Variants in YWHAE observed in about 807,000 individuals in gnomAD.
YWHAE encodes tyrosine 3-monooxygenase/tryptophan 5-monooxygenase activation protein epsilon.
A neutral mutation model predicts 30.1 loss-of-function variants in YWHAE; 4 were observed. The ratio of observed to expected loss-of-function variants is 0.13; its 90% CI spans 0.07 to 0.30. The LOEUF is 0.30. YWHAE is among the 10% of genes least tolerant of loss of function. The pLI, the probability that YWHAE is intolerant of heterozygous loss-of-function variation, is 1.00. For missense variants in YWHAE, 121 were observed against 315.9 expected, an observed-to-expected ratio of 0.38 and a Z score of 4.68; for synonymous variants, 118 against 111.8, an observed-to-expected ratio of 1.06 and a Z score of -0.35.
intron 4 of YWHAE, among the ~76,000 whole-genome samples, chr17:1,356,215 C>A (rs927429573): frequency 7.4e-6 from 1 of 135,552 alleles, no homozygotes; most frequent in East Asian, 2.3e-4. Context: ...CACACACACA[C>A]AAAATTAGCC....
chr17:1,367,743 GAA>G (rs1466235835), intron 1 of YWHAE, among the ~76,000 whole-genome samples: 4 of 152,064 alleles, frequency 2.6e-5, no homozygotes, highest in South Asian at 2.1e-4. Flanking sequence ...CATATTAAGT[GAA>G]AAGAGTCAGA....
chr17:1,392,641 G>A (rs1598272917), intron 1 of YWHAE, among the ~76,000 whole-genome samples: 5 of 152,138 alleles, frequency 3.3e-5, no homozygotes, highest in Admixed American at 2.6e-4. Context: ...CCTGAGGTCA[G>A]GAGTTGAAGA....
chr17:1,372,539 T>C (rs2073058085), intron 1 of YWHAE, among the ~76,000 whole-genome samples: 1 of 152,226 alleles, frequency 6.6e-6, no homozygotes, highest in South Asian at 2.1e-4. Context: ...TTATTTAAAG[T>C]GAGAGACTGG....
intron 1 of YWHAE, among the ~76,000 whole-genome samples, chr17:1,375,182 G>A (rs1309020063): frequency 6.6e-6 from 1 of 152,072 alleles, no homozygotes; most frequent in Non-Finnish European, 1.5e-5. Flanking sequence ...CGACTACAAT[G>A]ACACTCTCTT....
intron 1 of YWHAE, among the ~76,000 whole-genome samples, chr17:1,386,110 ATGGCTGTTTGGATAACAAG>A (rs762258084): frequency 1.5e-4 from 23 of 152,186 alleles, no homozygotes; most frequent in Non-Finnish European, 2.2e-4. Context: ...AGTACTTTGC[ATGGCTGTTTGGATAACAAG>A]TGAAAGAAAT....
intron 1 of YWHAE, among the ~76,000 whole-genome samples, chr17:1,388,118 G>GTTTT (rs1297503908): frequency 1.9e-4 from 3 of 15,504 alleles, no homozygotes; most frequent in African/African-American, 5.1e-4. Flanking sequence ...TTTTTGGTTG[G>GTTTT]TTTTTTTTTT....
chr17:1,359,055 G>C (rs1175655944), intron 4 of YWHAE, among the ~76,000 whole-genome samples: 2 of 151,806 alleles, frequency 1.3e-5, no homozygotes, highest in Admixed American at 1.3e-4. Context: ...AGAATCGCTT[G>C]AACCTGGAAG....
intron 4 of YWHAE, among the ~76,000 whole-genome samples, chr17:1,360,408 A>G (rs2072845380): frequency 6.6e-6 from 1 of 152,230 alleles, no homozygotes. Flanking sequence ...TGTTTATGCT[A>G]AAACAGAAAA....
At chr17:1,383,411 G>A (rs569173741) in intron 1 of YWHAE, among the ~76,000 whole-genome samples, 4 of 139,712 alleles carry the variant, frequency 2.9e-5, no homozygotes, top group Non-Finnish European at 6.1e-5. Context: ...TTTTTGAGAC[G>A]GAGTCTTGGT....
chr17:1,388,439 C>A (rs982873878), intron 1 of YWHAE, among the ~76,000 whole-genome samples: 1 of 151,748 alleles, frequency 6.6e-6, no homozygotes, highest in African/African-American at 2.4e-5. Context: ...TGGAGTGAAC[C>A]CAGGAGGTGG....
chr17:1,371,689 T>TA (rs1179114434), intron 1 of YWHAE, among the ~76,000 whole-genome samples: 1 of 148,946 alleles, frequency 6.7e-6, no homozygotes, highest in Non-Finnish European at 1.5e-5. Context: ...TCTCTCTAGT[T>TA]AAGTGAAGTC....
At chr17:1,356,925 C>T (rs548833681) in intron 4 of YWHAE, among the ~76,000 whole-genome samples, 2 of 151,818 alleles carry the variant, frequency 1.3e-5, no homozygotes, top group South Asian at 4.1e-4. Flanking sequence ...CTTAAAAACC[C>T]TACTTTGCTT....
intron 5 of YWHAE, among the ~76,000 whole-genome samples, chr17:1,352,807 G>C (rs564822591): frequency 3.9e-5 from 6 of 152,246 alleles, no homozygotes; most frequent in Middle Eastern, 3.4e-3. Flanking sequence ...TTATAGGCAT[G>C]AGCCACCGCG....
intron 2 of YWHAE, among the ~76,000 whole-genome samples, chr17:1,362,236 G>A (rs900541680): frequency 6.6e-6 from 1 of 151,932 alleles, no homozygotes; most frequent in Non-Finnish European, 1.5e-5. Flanking sequence ...ACACACACAT[G>A]CAGGCACGCA....
chr17:1,393,713 T>C (rs1358576492), intron 1 of YWHAE, among the ~76,000 whole-genome samples: 1 of 152,198 alleles, frequency 6.6e-6, no homozygotes, highest in Non-Finnish European at 1.5e-5. Context: ...TTGCAGGTGT[T>C]TGAGCCGCGG....
chr17:1,357,927 C>G (rs77733477), intron 4 of YWHAE, among the ~76,000 whole-genome samples: 1 of 148,660 alleles, frequency 6.7e-6, no homozygotes, highest in Admixed American at 6.7e-5. Context: ...ACTCTCCTCT[C>G]GGGGGAAAAA....
In YWHAE at chr17:1,366,814, C is replaced by CAA. The variant is rs1452614654; in HGVS notation, c.65-1757_65-1756insTT. Among the ~76,000 whole-genome samples, 976 of 152,062 alleles carry CAA rather than the reference C, an allele frequency of 6.4e-3. 13 individuals carry two copies. Among genetic ancestry groups the CAA allele is most frequent in the African/African-American group, 0.015 (637 of 41,458 alleles). On this transcript the variant is annotated intron_variant, in intron 1 of 5. Transcript: ENST00000264335. ...AAAATTAGCTGGGCATGGTGGTGCA[C>CAA]GCTTGTAATCCCAGCTACCAGGAAG...
chr17:1,367,536 G>T (rs1004224447), intron 1 of YWHAE, among the ~76,000 whole-genome samples: 3 of 152,182 alleles, frequency 2.0e-5, no homozygotes. Flanking sequence ...CAGGCCTGCA[G>T]TGAGCTATTA....
intron 1 of YWHAE, among the ~76,000 whole-genome samples, chr17:1,385,003 T>C (rs2073278450): frequency 6.6e-6 from 1 of 151,946 alleles, no homozygotes; most frequent in African/African-American, 2.4e-5. Flanking sequence ...GTTTCAGGTT[T>C]GTTTTTTCTT....
Sources: gnomAD v4.1 joint callset for allele counts (sites outside exome capture counted in the v4.1 genomes callset) on GRCh38, gnomAD v4.1.1 for gene constraint, MANE v1.5 for transcripts, NCBI Gene and HGNC (gene_info 2026-07-23, HGNC 2026-07-21) for gene names.